The following STON2 variants were observed in gnomAD, a reference collection of about 807,000 sequenced individuals.
The protein encoded by STON2 is stonin 2, also known as stonin-2.
Under a neutral mutation model 65.7 loss-of-function variants are expected in STON2, and 29 were observed. The observed-to-expected ratio is 0.44, with a 90% CI of 0.33 to 0.60. The LOEUF (loss-of-function observed/expected upper bound fraction) is 0.60. STON2 is among the 20% of genes least tolerant of loss of function. STON2 has a pLI of 0.03. For synonymous variants in STON2, 404 were observed against 414.2 expected, an observed-to-expected ratio of 0.98 and a Z score of 0.30; for missense variants, 1,054 against 1,118.1, an observed-to-expected ratio of 0.94 and a Z score of 0.82.
chr14:81,269,926 A>C (rs1165690115), intron 7 of STON2: 8 of 985,262 alleles, frequency 8.1e-6, no homozygotes, highest in Non-Finnish European at 8.4e-6. Flanking sequence ...GTTATAGCCC[A>C]GTACCCAGGT....
chr14:81,342,969 A>G (rs1401179280), intron 4 of STON2, among the ~76,000 whole-genome samples: 2 of 152,190 alleles, frequency 1.3e-5, no homozygotes, highest in African/African-American at 4.8e-5. Flanking sequence ...GGCAATGCCT[A>G]TGTCAGTGAG....
At chr14:81,283,219 T>TA (rs1050889989) in intron 5 of STON2, among the ~76,000 whole-genome samples, 2 of 152,156 alleles carry the variant, frequency 1.3e-5, no homozygotes, top group African/African-American at 2.4e-5. Context: ...TTCAAGCTCC[T>TA]AAAAGATTAA....
At chr14:81,332,170 C>T (rs1405254084) in intron 4 of STON2, among the ~76,000 whole-genome samples, 4 of 152,120 alleles carry the variant, frequency 2.6e-5, no homozygotes, top group African/African-American at 7.2e-5. Flanking sequence ...CTCCCTGAGC[C>T]GCTGCCACAG....
chr14:81,272,391 AG>A, intron 6 of STON2, among the ~76,000 whole-genome samples: 1 of 152,352 alleles, frequency 6.6e-6, no homozygotes. Flanking sequence ...AACTAGCTAT[AG>A]ATAAACAACA....
In STON2 at chr14:81,262,125, A is replaced by C. The variant is rs547902123; in HGVS notation, c.*6289T>G. ...TTTAGAGCTGGAAAGGACTTGAAGA[A>C]ACAATTAATCCAACTTCCTCACTTT... On this transcript the variant is annotated 3_prime_UTR_variant, in exon 8 of 8. Transcript: ENST00000614646. The C allele has an allele frequency of 1.5e-5, 15 of 985,416 alleles. No homozygotes were observed. The African/African-American group carries it at 2.6e-4, about 17-fold the overall frequency. 61.0% of individuals were successfully genotyped at this position (985,416 alleles called of 1,614,324 possible).
chr14:81,371,188 G>A lies in STON2; in HGVS notation c.374-3C>T, dbSNP rs775474345. The A allele has an allele frequency of 1.2e-6, 2 of 1,613,322 alleles. No individual in the cohort carries two copies. Among genetic ancestry groups the A allele is most frequent in the Admixed American group, 1.7e-5 (1 of 59,862 alleles). On this transcript the variant is annotated splice_region_variant and splice_polypyrimidine_tract_variant and intron_variant, in intron 3 of 7. Transcript: ENST00000614646. ...GCAGGGCATGGTCAATGGTAGGGCT[G>A]GGGAGAGACCAAAAACCAAAAGCAT...
At chr14:81,316,271 A>AT (rs2140228716) in intron 5 of STON2, among the ~76,000 whole-genome samples, 1 of 152,298 alleles carries the variant, frequency 6.6e-6, no homozygotes, top group South Asian at 2.1e-4. Context: ...GAACTTCTAA[A>AT]TAGTCTCCTC....
At chr14:81,374,692 T>C (rs13313400) in intron 3 of STON2, among the ~76,000 whole-genome samples, 1,638 of 151,638 alleles carry the variant, frequency 0.011, 29 homozygotes, top group South Asian at 0.045. Flanking sequence ...ATGGATAACA[T>C]AGACAAAAAG....
At chr14:81,285,599 A>AATGGATGAGGAGTTGCATCTT in intron 5 of STON2, among the ~76,000 whole-genome samples, 1 of 152,172 alleles carries the variant, frequency 6.6e-6, no homozygotes, top group East Asian at 1.9e-4. Context: ...ATAAAACTTT[A>AATGGATGAGGAGTTGCATCTT]ATGGATGAGG....
chr14:81,364,242 C>T (rs370447720), intron 4 of STON2, among the ~76,000 whole-genome samples: 1 of 152,156 alleles, frequency 6.6e-6, no homozygotes, highest in East Asian at 1.9e-4. Context: ...GAATCAAGAA[C>T]ATCTGGTCTA....
Position 81,268,211 on chromosome 14 carries a change from C to T in STON2, c.*203G>A, listed in dbSNP as rs1894431701. On this transcript the variant is annotated 3_prime_UTR_variant, in exon 8 of 8. Transcript: ENST00000614646. ...TTAGGCATGACCAGAATCAAAGAGC[C>T]TCTCCAAAAGCCACCATTCTCAGGG... is the stretch of plus-strand genomic sequence containing the variant. 1.7e-6 allele frequency: 2 copies of T among 1,143,460 alleles called. No homozygotes were observed. The highest frequency in any genetic ancestry group is 1.9e-5 in the South Asian group (1 of 52,034). The allele number at this position is 1,143,460 out of a possible 1,614,324, so 70.8% of individuals were successfully genotyped here.
chr14:81,308,548 C>T (rs1383852507), intron 5 of STON2, among the ~76,000 whole-genome samples: 2 of 151,848 alleles, frequency 1.3e-5, no homozygotes, highest in African/African-American at 4.8e-5. Context: ...AAACCTAACC[C>T]CAGAATTCTA....
At chr14:81,338,854 CGATCCTCAATGG>C (rs1445201462) in intron 4 of STON2, among the ~76,000 whole-genome samples, 1 of 152,158 alleles carries the variant, frequency 6.6e-6, no homozygotes, top group Admixed American at 6.5e-5. Flanking sequence ...TTGGTCTTTT[CGATCCTCAATGG>C]GAGGCATAAT....
rs573604907 is a variant in STON2 at position 81,263,525 on chromosome 14, G to A, written c.*4889C>T. 7.5e-6 allele frequency: 1 copy of A among 132,856 alleles called. No homozygotes were observed. Among genetic ancestry groups the A allele is most frequent in the Non-Finnish European group, 1.3e-5 (1 of 77,400 alleles). 8.2% of individuals were successfully genotyped at this position (132,856 alleles called of 1,614,324 possible). On this transcript the variant is annotated 3_prime_UTR_variant, in exon 8 of 8. Coordinates refer to ENST00000614646, the MANE Select transcript of STON2 (RefSeq NM_001394390.1). ...TGCACTCTAGCCTGGGTGACAGACT[G>A]AGACTCCGTCTCAAAAAAAAAAAAA...
chr14:81,425,349 G>C (rs1901914541), intron 2 of STON2, among the ~76,000 whole-genome samples: 1 of 152,162 alleles, frequency 6.6e-6, no homozygotes, highest in Non-Finnish European at 1.5e-5. Context: ...GAGGAGGGAG[G>C]ATCATTTGAG....
At chr14:81,403,852 T>C (rs186590704), upstream of STON2, among the ~76,000 whole-genome samples, 35 of 152,336 alleles carry the variant, frequency 2.3e-4, no homozygotes, top group African/African-American at 8.2e-4. Context: ...ATAAGTAAAG[T>C]ACCACACTTC....
chr14:81,310,647 T>C (rs1275611099), intron 5 of STON2, among the ~76,000 whole-genome samples: 1 of 152,230 alleles, frequency 6.6e-6, no homozygotes, highest in Admixed American at 6.5e-5. Context: ...ATGTTTTATA[T>C]ACACATCTCA....
chr14:81,261,944 T>TATAA lies in STON2; in HGVS notation c.*6469_*6470insTTAT. On this transcript the variant is annotated 3_prime_UTR_variant, in exon 8 of 8. Transcript: ENST00000614646. ...CTGTTTCTGTTGTCTGGGGAAATGA[T>TATAA]AAAAAAAAAAAAAAAAAAGAGAGAG... 1 of 1,194,870 alleles carries TATAA rather than the reference T, an allele frequency of 8.4e-7. No individual in the cohort carries two copies. The highest frequency in any genetic ancestry group is 1.0e-6 in the Non-Finnish European group (1 of 959,416). The allele number at this position is 1,194,870 out of a possible 1,614,324, so 74.0% of individuals were successfully genotyped here. A position where few individuals can be genotyped will look rare whatever the true frequency, so the allele number is the denominator to read the frequency against.
chr14:81,287,020 A>G (rs569291472), intron 5 of STON2, among the ~76,000 whole-genome samples: 1 of 152,226 alleles, frequency 6.6e-6, no homozygotes, highest in Non-Finnish European at 1.5e-5. Flanking sequence ...ACATTTTTCA[A>G]CAGGGAAAAT....
Sources: gnomAD v4.1 joint callset for allele counts (sites outside exome capture counted in the v4.1 genomes callset) on GRCh38, gnomAD v4.1.1 for gene constraint, MANE v1.5 for transcripts, NCBI Gene and HGNC (gene_info 2026-07-23, HGNC 2026-07-21) for gene names.